RAP1GAP2: variants seen among roughly 807,000 people sequenced by gnomAD.
RAP1GAP2 encodes RAP1 GTPase activating protein 2.
A neutral mutation model predicts 95.0 loss-of-function variants in RAP1GAP2; 27 were observed. That is an observed-to-expected ratio of 0.28 (90% CI 0.21 to 0.39). The LOEUF is 0.39. Ranked by LOEUF, RAP1GAP2 falls within the 10% of genes least tolerant of loss-of-function variation. The pLI, the probability that RAP1GAP2 is intolerant of heterozygous loss-of-function variation, is 1.00. For missense variants in RAP1GAP2, 771 were observed against 970.0 expected, an observed-to-expected ratio of 0.79 and a Z score of 2.72; for synonymous variants, 373 against 380.9, an observed-to-expected ratio of 0.98 and a Z score of 0.24.
intron 3 of RAP1GAP2, among the ~76,000 whole-genome samples, chr17:2,943,492 G>A (rs995395150): frequency 5.9e-5 from 9 of 151,988 alleles, no homozygotes; most frequent in Admixed American, 4.6e-4. Flanking sequence ...GGCCAACATG[G>A]TGAAATCCTG....
intron 2 of RAP1GAP2, among the ~76,000 whole-genome samples, chr17:2,879,976 T>C (rs958360281): frequency 4.6e-5 from 7 of 151,592 alleles, no homozygotes; most frequent in Admixed American, 3.3e-4. Context: ...GAATATCCAA[T>C]GGGGACCAGG....
At position 2,965,658 on chromosome 17, in the gene RAP1GAP2, C is replaced by G. The variant is rs2044558477; in HGVS notation, c.596+15C>G. On this transcript the variant is annotated intron_variant, in intron 8 of 24. Transcript: ENST00000254695. This position sits in a 1 kb window ranked among gnomAD's most constrained non-coding sequence, Gnocchi z 4.7. ...GTCATCCTTAGGTAGGGCTGTTGCG[C>G]TGCTTGAGGCCACTTCTCTTCCAGG... The G allele has an allele frequency of 1.3e-6, 2 of 1,550,784 alleles. No homozygotes were observed. Among genetic ancestry groups the G allele is most frequent in the South Asian group, 1.2e-5 (1 of 86,836 alleles).
intron 3 of RAP1GAP2, among the ~76,000 whole-genome samples, chr17:2,914,268 G>A (rs2042493026): frequency 1.3e-5 from 2 of 152,148 alleles, no homozygotes; most frequent in Admixed American, 1.3e-4. Flanking sequence ...TCGCTGCTCT[G>A]CATCCTCATC....
At chr17:2,991,191 A>G in intron 11 of RAP1GAP2, 106 bp from the exon 12 acceptor site, 1 of 888,120 alleles carries the variant, frequency 1.1e-6, no homozygotes, top group Non-Finnish European at 1.8e-6. Flanking sequence ...GCTGGGAGAC[A>G]GGGAGAAAGG....
chr17:2,950,343 C>A (rs58470778), intron 3 of RAP1GAP2, among the ~76,000 whole-genome samples: 1,815 of 152,176 alleles, frequency 0.012, 31 homozygotes, highest in African/African-American at 0.041. Context: ...TGAGCCAATG[C>A]GCCCAGCCAG....
chr17:2,863,868 A>G (rs1289391045), intron 2 of RAP1GAP2, among the ~76,000 whole-genome samples: 1 of 152,146 alleles, frequency 6.6e-6, no homozygotes, highest in Non-Finnish European at 1.5e-5. Flanking sequence ...ACCAGCCAAC[A>G]TGGTGAAACT....
rs1457479174 is a variant in RAP1GAP2 at position 2,827,038 on chromosome 17, G to C, written c.80+26488G>C. On this transcript the variant is annotated intron_variant, in intron 2 of 24. Transcript: ENST00000254695. The surrounding 1 kb of genome is among the most constrained non-coding windows in gnomAD (Gnocchi z 4.1). Reference sequence around the variant, plus strand: ...GAGAGGAGAGAAAGAAAGAAAGAGAGAGAGAAAGAAAGAAAGAGAAAGTCC... The same window carrying C: ...GAGAGGAGAGAAAGAAAGAAAGAGACAGAGAAAGAAAGAAAGAGAAAGTCC... 2.1e-5 allele frequency among the ~76,000 whole-genome samples: 3 copies of C among 146,292 alleles called. No homozygotes were observed. In the East Asian group the frequency reaches 5.8e-4, roughly 28 times the overall value.
intron 1 of RAP1GAP2, among the ~76,000 whole-genome samples, chr17:2,769,232 TAAAAAAAAA>T (rs58436827): frequency 7.2e-4 from 31 of 42,902 alleles, no homozygotes; most frequent in African/African-American, 2.6e-3. Context: ...ACCATTTCTC[TAAAAAAAAA>T]AAAAAAAAAA....
At chr17:3,023,580 A>G (rs929083731) in intron 19 of RAP1GAP2, among the ~76,000 whole-genome samples, 1 of 152,216 alleles carries the variant, frequency 6.6e-6, no homozygotes, top group Non-Finnish European at 1.5e-5. Flanking sequence ...GTGAACCAAC[A>G]GTAGAGATGT....
At chr17:2,790,016 C>T (rs17221807) in intron 1 of RAP1GAP2, among the ~76,000 whole-genome samples, 2,814 of 152,078 alleles carry the variant, frequency 0.019, 148 homozygotes, top group Admixed American at 0.11. Context: ...TTATCTTGAC[C>T]CTGAGGCGTG....
chr17:2,793,718 C>T (rs1238646446), upstream of RAP1GAP2, among the ~76,000 whole-genome samples: 1 of 152,224 alleles, frequency 6.6e-6, no homozygotes, highest in Admixed American at 6.5e-5. Flanking sequence ...TTAGGAATAA[C>T]TCTTTATTCG....
intron 22 of RAP1GAP2, 94 bp from the exon 23 acceptor site, chr17:3,030,828 G>GC: frequency 1.6e-6 from 2 of 1,219,440 alleles, no homozygotes; most frequent in Non-Finnish European, 2.3e-6. Context: ...AGGGCAGGAG[G>GC]CCCCCTTCCC....
At chr17:2,921,020 T>G (rs2042747929) in intron 3 of RAP1GAP2, among the ~76,000 whole-genome samples, 1 of 152,116 alleles carries the variant, frequency 6.6e-6, no homozygotes, top group Non-Finnish European at 1.5e-5. Context: ...AGTGGGTTCC[T>G]CCTGTGTGTG....
At chr17:2,804,705 G>A (rs191074859) in intron 2 of RAP1GAP2, among the ~76,000 whole-genome samples, 5 of 152,352 alleles carry the variant, frequency 3.3e-5, no homozygotes, top group African/African-American at 7.2e-5. Context: ...ACACTCAGAA[G>A]CAAGGATTTA....
At chr17:2,887,909 G>C (rs1373900707) in intron 2 of RAP1GAP2, among the ~76,000 whole-genome samples, 1 of 151,986 alleles carries the variant, frequency 6.6e-6, no homozygotes, top group African/African-American at 2.4e-5. Flanking sequence ...CCTGACCTCA[G>C]GTGATCCTCC....
chr17:2,923,843 T>A lies in RAP1GAP2; in HGVS notation c.165+18475T>A, dbSNP rs1029797760. On this transcript the variant is annotated intron_variant, in intron 3 of 24. Coordinates refer to ENST00000254695, the MANE Select transcript of RAP1GAP2 (RefSeq NM_015085.5). ...ATCCGTTCTTACCATTTGCTAATCGTCCAGACATCTTGGCATCATACACAT... is the reference window on the plus strand; with the variant it reads ...ATCCGTTCTTACCATTTGCTAATCGACCAGACATCTTGGCATCATACACAT... 5.3e-5 allele frequency among the ~76,000 whole-genome samples: 8 copies of A among 152,232 alleles called. 1 individual carries two copies. The highest frequency in any genetic ancestry group is 1.2e-4 in the Non-Finnish European group (8 of 68,046).
intron 2 of RAP1GAP2, among the ~76,000 whole-genome samples, chr17:2,801,811 C>T (rs893214693): frequency 2.0e-5 from 3 of 152,194 alleles, no homozygotes; most frequent in Non-Finnish European, 2.9e-5. Context: ...GAAGCAGGCA[C>T]AGCCCTCTCC....
At chr17:2,822,546 G>A (rs1402855736) in intron 2 of RAP1GAP2, among the ~76,000 whole-genome samples, 1 of 151,918 alleles carries the variant, frequency 6.6e-6, no homozygotes, top group Non-Finnish European at 1.5e-5. Context: ...GATTGCTTGA[G>A]CCCAGGAGTG....
At chr17:2,783,246 C>A (rs1459088644) in intron 1 of RAP1GAP2, among the ~76,000 whole-genome samples, 2 of 152,148 alleles carry the variant, frequency 1.3e-5, no homozygotes, top group South Asian at 2.1e-4. Flanking sequence ...TCCCAGATCA[C>A]CCCCTCTACA....
Sources: allele counts gnomAD v4.1 joint callset (sites outside exome capture counted in the v4.1 genomes callset), GRCh38; gene constraint gnomAD v4.1.1; non-coding constraint Gnocchi (gnomAD v3.1); transcripts MANE v1.5; gene names NCBI Gene and HGNC (gene_info 2026-07-23, HGNC 2026-07-21).